Variants in SCN8A observed in about 807,000 individuals in gnomAD.
SCN8A encodes sodium channel protein type 8 subunit alpha.
Under a neutral mutation model 184.1 loss-of-function variants are expected in SCN8A, and 30 were observed. That is an observed-to-expected ratio of 0.16 (90% confidence interval 0.12 to 0.22). The LOEUF (loss-of-function observed/expected upper bound fraction) is 0.22. Ranked by LOEUF, SCN8A falls within the 10% of genes least tolerant of loss-of-function variation. SCN8A has a pLI of 1.00. For missense variants in SCN8A, 1,057 were observed against 2,498.9 expected (o/e 0.42, Z 12.30); for synonymous variants, 852 against 907.0 (o/e 0.94, Z 1.09).
Position 51,701,070 on chromosome 12 carries a change from A to G in SCN8A, c.929-74A>G. ...CAATAACTTTCTGCTGGGGCTAGTT[A>G]GGAACAGTGTAACCTTATTCTCTCA... On this transcript the variant is annotated intron_variant, in intron 7 of 26. Transcript: ENST00000627620. 3.0e-6 allele frequency: 3 copies of G among 984,524 alleles called. No individual in the cohort carries two copies. The South Asian group carries it at 4.1e-5, about 13-fold the overall frequency. 61.0% of individuals were successfully genotyped at this position (984,524 alleles called of 1,614,324 possible). A position where few individuals can be genotyped will look rare whatever the true frequency, so the allele number is the denominator to read the frequency against.
At chr12:51,623,748 A>C (rs1402414321) in intron 1 of SCN8A, among the ~76,000 whole-genome samples, 1 of 152,090 alleles carries the variant, frequency 6.6e-6, no homozygotes. Context: ...ATATCTTCTA[A>C]TGCTATCCCT....
chr12:51,634,121 A>G (rs144864614), intron 1 of SCN8A, among the ~76,000 whole-genome samples: 2 of 152,358 alleles, frequency 1.3e-5, no homozygotes, highest in East Asian at 1.9e-4. Flanking sequence ...GGGAAAATGC[A>G]TGAATTAGAG....
intron 2 of SCN8A, among the ~76,000 whole-genome samples, chr12:51,676,468 T>C (rs1941224734): frequency 6.6e-6 from 1 of 152,214 alleles, no homozygotes; most frequent in Non-Finnish European, 1.5e-5. Flanking sequence ...AGGGAAATTT[T>C]GAAAAGACAC....
intron 1 of SCN8A, among the ~76,000 whole-genome samples, chr12:51,599,519 A>T (rs971039233): frequency 2.6e-5 from 4 of 152,226 alleles, no homozygotes; most frequent in African/African-American, 7.2e-5. Flanking sequence ...GTGGCAGATA[A>T]GCCTGCAAAG....
intron 14 of SCN8A, among the ~76,000 whole-genome samples, chr12:51,761,260 C>T (rs1942758154): frequency 6.6e-6 from 1 of 151,962 alleles, no homozygotes; most frequent in African/African-American, 2.4e-5. Flanking sequence ...GGCACTCTGT[C>T]AGCAGAAAAA....
At chr12:51,800,708 A>G (rs988724543) in intron 26 of SCN8A, among the ~76,000 whole-genome samples, 3 of 152,204 alleles carry the variant, frequency 2.0e-5, no homozygotes, top group Admixed American at 6.5e-5. Flanking sequence ...TCTGACCTCC[A>G]TAAGCCCTTA....
At position 51,734,210 on chromosome 12, in the gene SCN8A, T is replaced by A. The variant is rs186452324; in HGVS notation, c.1999-11693T>A. On this transcript the variant is annotated intron_variant, in intron 12 of 26. Coordinates refer to ENST00000627620, the MANE Select transcript of SCN8A (RefSeq NM_001330260.2). Reference sequence around the variant, plus strand: ...TGATGTCAGTGCTGCTGAGACCAGCTCGGTTGGGGAGACCCTAACCCAGTG... The same window carrying A: ...TGATGTCAGTGCTGCTGAGACCAGCACGGTTGGGGAGACCCTAACCCAGTG... 3.3e-3 allele frequency among the ~76,000 whole-genome samples: 495 copies of A among 152,290 alleles called. 11 individuals carry two copies. The highest frequency in any genetic ancestry group is 9.1e-3 in the African/African-American group (379 of 41,562).
chr12:51,602,768 A>C (rs902687491), intron 1 of SCN8A, among the ~76,000 whole-genome samples: 5 of 152,170 alleles, frequency 3.3e-5, no homozygotes, highest in African/African-American at 1.2e-4. Flanking sequence ...GGGCCAATAC[A>C]CAGTTCCCCT....
intron 1 of SCN8A, among the ~76,000 whole-genome samples, chr12:51,614,154 CT>C (rs1331344505): frequency 6.6e-6 from 1 of 152,006 alleles, no homozygotes; most frequent in East Asian, 1.9e-4. Context: ...ATTGACTATA[CT>C]TGTGGATTTG....
chr12:51,771,823 A>C (rs1304741833), intron 19 of SCN8A, among the ~76,000 whole-genome samples: 1 of 152,226 alleles, frequency 6.6e-6, no homozygotes, highest in Non-Finnish European at 1.5e-5. Context: ...CCTTAAGAAA[A>C]GAGAGGATCA....
chr12:51,739,670 C>T (rs772054261), intron 12 of SCN8A, among the ~76,000 whole-genome samples: 9 of 152,296 alleles, frequency 5.9e-5, no homozygotes, highest in East Asian at 3.9e-4. Context: ...TAAGAGTACT[C>T]GGGTGTCCTC....
rs1321440098 is a variant in SCN8A, at chr12:51,706,472, GGAAGAAGGT to G, written c.1401_1409del (p.Glu468_Gly470del). On this transcript the variant is annotated inframe_deletion, in exon 11 of 27. Transcript: ENST00000627620. The stretch of plus-strand genomic sequence containing the variant: ...GAACTGTCTCAGAAGATGCCATAGA[GGAAGAAGGT>G]GAAGAAGGAGGGGGCTCCCCTCGGA... 4 of 1,605,364 alleles carry G rather than the reference GGAAGAAGGT, an allele frequency of 2.5e-6. No individual in the cohort carries two copies. The highest frequency in any genetic ancestry group is 3.4e-6 in the Non-Finnish European group (4 of 1,176,134).
chr12:51,706,796 C>T (rs1222084478), intron 11 of SCN8A, 81 bp downstream of exon 11: 8 of 1,002,406 alleles, frequency 8.0e-6, no homozygotes, highest in Non-Finnish European at 8.4e-6. Flanking sequence ...ATTATACCAT[C>T]TTTACCATTT....
rs1426603875 is a variant in SCN8A, at chr12:51,806,822, C to T, written c.5336C>T (p.Pro1779Leu). The T allele has an allele frequency of 1.2e-6, 2 of 1,614,204 alleles. No homozygotes were observed. The highest frequency in any genetic ancestry group is 1.7e-6 in the Non-Finnish European group (2 of 1,180,034). Residue 1779 changes from proline to leucine, a missense_variant, in exon 27 of 27, where the codon CCT (proline) becomes CTT (leucine). By Grantham distance (98) the Pro-to-Leu change is moderately conservative. Transcript: ENST00000627620. This position sits in a 1 kb window ranked among gnomAD's most constrained non-coding sequence, Gnocchi z 8.7. ...FSVATEESAD[P>L]LSEDDFETFY... ...GTAGCCACAGAGGAAAGTGCAGACC[C>T]TCTGAGTGAGGATGACTTTGAGACC...
At chr12:51,633,307 A>T (rs1940240139) in intron 1 of SCN8A, among the ~76,000 whole-genome samples, 1 of 152,214 alleles carries the variant, frequency 6.6e-6, no homozygotes, top group Non-Finnish European at 1.5e-5. Flanking sequence ...GGACCAAGAG[A>T]AATAATCTCT....
Position 51,770,536 on chromosome 12 carries a change from C to G in SCN8A, c.3498C>G (p.Val1166=). 1 of 1,603,946 alleles carries G rather than the reference C, an allele frequency of 6.2e-7. No individual in the cohort carries two copies. Among genetic ancestry groups the G allele is most frequent in the Non-Finnish European group, 8.5e-7 (1 of 1,174,724 alleles). ...CTCTCCCGCTGGTGCCAGGTTGTGTCCAGCGGTTCAAGTGCTGCCAGGTCA... is the reference window on the plus strand; with the variant it reads ...CTCTCCCGCTGGTGCCAGGTTGTGTGCAGCGGTTCAAGTGCTGCCAGGTCA... The part of the protein sequence containing the change: ...DPDACFTEGC[V]QRFKCCQVNI... The change falls in exon 19 of 27, where the codon GTC becomes GTG. Residue 1166 remains valine, a synonymous_variant. Transcript: ENST00000627620.
rs746302474 is a variant in SCN8A at position 51,769,193 on chromosome 12, A to G, written c.3230A>G (p.Tyr1077Cys). 2.5e-6 allele frequency: 4 copies of G among 1,613,836 alleles called. No individual in the cohort carries two copies. Among genetic ancestry groups the G allele is most frequent in the African/African-American group, 1.3e-5 (1 of 74,944 alleles). ...TSGIGSSVEK[Y>C]IIDEDHMSFI... The stretch of plus-strand genomic sequence containing the variant: ...GGCATTGGCAGCAGCGTGGAGAAGT[A>G]CATCATTGATGAGGACCACATGTCC... The change falls in exon 17 of 27, where the codon TAC (tyrosine) becomes TGC (cysteine). Residue 1077 changes from tyrosine to cysteine, a missense_variant. Around this residue, in one of 19 missense-constraint regions of SCN8A, gnomAD observed 178 missense variants for 259.6 expected, o/e 0.69. Coordinates refer to ENST00000627620, the MANE Select transcript of SCN8A (RefSeq NM_001330260.2).
Position 51,686,408 on chromosome 12 carries a change from T to G in SCN8A, c.436T>G (p.Cys146Gly). Reference sequence around the variant, plus strand: ...CATTATGTGCACTATTTTGACCAACTGTGTATTCATGACTTTTAGTAACCC... The same window carrying G: ...CATTATGTGCACTATTTTGACCAACGGTGTATTCATGACTTTTAGTAACCC... ...MIIMCTILTN[C>G]VFMTFSNPPD... is the part of the protein sequence containing the mutation. The change falls in exon 4 of 27, where the codon TGT (cysteine) becomes GGT (glycine). Residue 146 changes from cysteine (C) to glycine (G), a missense_variant. Coordinates refer to ENST00000627620, the MANE Select transcript of SCN8A (RefSeq NM_001330260.2). 6.2e-7 allele frequency: 1 copy of G among 1,612,602 alleles called. No homozygotes were observed. Among genetic ancestry groups the G allele is most frequent in the Non-Finnish European group, 8.5e-7 (1 of 1,178,776 alleles).
intron 11 of SCN8A, among the ~76,000 whole-genome samples, chr12:51,717,633 C>T (rs1473975281): frequency 3.9e-5 from 6 of 152,192 alleles, no homozygotes; most frequent in African/African-American, 1.2e-4. Context: ...GGAAGAAGGA[C>T]GTGCAAGGGC....
Sources: gnomAD v4.1 joint callset for allele counts (sites outside exome capture counted in the v4.1 genomes callset) on GRCh38, gnomAD v4.1.1 for gene constraint, gnomAD v4.1.1 regional missense constraint, Gnocchi (gnomAD v3.1) non-coding constraint, MANE v1.5 for transcripts, NCBI Gene and HGNC (gene_info 2026-07-23, HGNC 2026-07-21) for gene names.